Variants in KLF15 observed in about 807,000 individuals in gnomAD.
KLF15 encodes the protein KLF transcription factor 15.
A neutral mutation model predicts 24.6 loss-of-function variants in KLF15; 4 were observed. The ratio of observed to expected loss-of-function variants is 0.16; its 90% CI spans 0.08 to 0.37. The LOEUF (loss-of-function observed/expected upper bound fraction) is 0.37, where lower values mean the gene tolerates loss of function less well. Among genes scored for constraint, KLF15 ranks in the 10% least tolerant of loss-of-function variants. KLF15 has a pLI of 1.00. For synonymous variants in KLF15, 246 were observed against 236.3 expected (o/e 1.04, Z -0.37); for missense variants, 496 against 560.6 (o/e 0.88, Z 1.16).
chr3:126,340,120 C>T (rs1192937353), downstream of KLF15, among the ~76,000 whole-genome samples: 1 of 152,244 alleles, frequency 6.6e-6, no homozygotes, highest in Non-Finnish European at 1.5e-5. Context: ...ACTGTGGGCA[C>T]AGCTGGGACA....
the KLF15 span, among the ~76,000 whole-genome samples, chr3:126,294,757 C>T: frequency 6.6e-6 from 1 of 152,102 alleles, no homozygotes; most frequent in East Asian, 1.9e-4. Context: ...CCTTCTTTCC[C>T]TTCCAAGCAT....
downstream of KLF15, among the ~76,000 whole-genome samples, chr3:126,341,243 C>A (rs1201890078): frequency 6.6e-6 from 1 of 152,170 alleles, no homozygotes; most frequent in East Asian, 1.9e-4. Context: ...ACCACTAAGA[C>A]CACCCCTTAC....
At chr3:126,331,976 C>T in the KLF15 span, among the ~76,000 whole-genome samples, 4 of 152,174 alleles carry the variant, frequency 2.6e-5, no homozygotes, top group Admixed American at 6.5e-5. Context: ...AACTGCAAGG[C>T]GCCAGCGAGG....
the KLF15 span, among the ~76,000 whole-genome samples, chr3:126,332,406 C>T: frequency 2.3e-5 from 3 of 131,838 alleles, no homozygotes; most frequent in African/African-American, 5.8e-5. Flanking sequence ...ACATCCACAC[C>T]GAAAACCCAT....
chr3:126,293,709 G>T, the KLF15 span, among the ~76,000 whole-genome samples: 1 of 152,166 alleles, frequency 6.6e-6, no homozygotes, highest in African/African-American at 2.4e-5. Flanking sequence ...AGCACAAGTC[G>T]GATCCTAGCA....
At chr3:126,340,713 C>T (rs919903639), downstream of KLF15, among the ~76,000 whole-genome samples, 1 of 152,164 alleles carries the variant, frequency 6.6e-6, no homozygotes, top group African/African-American at 2.4e-5. Flanking sequence ...CGTGGTGAGT[C>T]CAGGGCCCAT....
At chr3:126,293,144 T>TA in the KLF15 span, among the ~76,000 whole-genome samples, 56,703 of 118,380 alleles carry the variant, frequency 0.48, 13,915 homozygotes, top group Admixed American at 0.56. Context: ...ACTGCATCTC[T>TA]AAAAAAAAAA....
At chr3:126,300,712 A>C in the KLF15 span, among the ~76,000 whole-genome samples, 8 of 152,228 alleles carry the variant, frequency 5.3e-5, no homozygotes, top group East Asian at 1.4e-3. Flanking sequence ...TCCTCCACAG[A>C]CCCTGAGCAG....
chr3:126,293,608 G>A, the KLF15 span, among the ~76,000 whole-genome samples: 3 of 152,134 alleles, frequency 2.0e-5, no homozygotes, highest in African/African-American at 7.2e-5. Context: ...TCACCCCAGG[G>A]CTCAGGTAGC....
At chr3:126,330,219 G>C in the KLF15 span, among the ~76,000 whole-genome samples, 3 of 152,200 alleles carry the variant, frequency 2.0e-5, no homozygotes, top group African/African-American at 7.2e-5. Flanking sequence ...GTTCCCCACA[G>C]ACACAGGAGC....
the KLF15 span, among the ~76,000 whole-genome samples, chr3:126,288,674 CGCTCACTTCG>C: frequency 6.6e-6 from 1 of 152,248 alleles, no homozygotes; most frequent in Non-Finnish European, 1.5e-5. Context: ...GGACGCGGCC[CGCTCACTTCG>C]GGGCTCATTG....
At chr3:126,305,746 C>T in the KLF15 span, among the ~76,000 whole-genome samples, 6 of 152,266 alleles carry the variant, frequency 3.9e-5, no homozygotes, top group East Asian at 5.8e-4. Context: ...ATCTGCCCCA[C>T]ACAGTAGGGA....
the KLF15 span, among the ~76,000 whole-genome samples, chr3:126,297,741 TG>T: frequency 2.6e-5 from 4 of 152,134 alleles, no homozygotes; most frequent in African/African-American, 9.7e-5. Context: ...TCATTATTCA[TG>T]GCCTCCAGCT....
At chr3:126,329,438 T>C in the KLF15 span, among the ~76,000 whole-genome samples, 15 of 152,234 alleles carry the variant, frequency 9.9e-5, no homozygotes, top group Middle Eastern at 0.017. Context: ...TGAGCTATGA[T>C]CCCATCTCTG....
chr3:126,323,433 A>G, the KLF15 span, among the ~76,000 whole-genome samples: 502 of 51,486 alleles, frequency 9.8e-3, 18 homozygotes, highest in African/African-American at 0.035. Flanking sequence ...ATATATATAT[A>G]TAACATATAT....
At chr3:126,288,656 C>T in the KLF15 span, among the ~76,000 whole-genome samples, 1 of 152,224 alleles carries the variant, frequency 6.6e-6, no homozygotes, top group Non-Finnish European at 1.5e-5. Flanking sequence ...AAGTTGGCTG[C>T]GCCAACAGGA....
the KLF15 span, among the ~76,000 whole-genome samples, chr3:126,296,247 C>T: frequency 8.5e-5 from 13 of 152,168 alleles, no homozygotes; most frequent in Admixed American, 2.0e-4. Flanking sequence ...CTCGCTCTAT[C>T]GCCCAGGTGG....
rs923352885 is a variant in KLF15 at position 126,343,251 on chromosome 3, C to G, written c.*476G>C. On this transcript the variant is annotated 3_prime_UTR_variant, in exon 3 of 3. Transcript: ENST00000296233. ...CATCTTAGACAAAGCCACCCTCACA[C>G]CACAGTGCAGCCCTGGACTTCTGGC... The G allele has an allele frequency of 2.2e-4, 33 of 152,806 alleles. No individual in the cohort carries two copies. Among genetic ancestry groups the G allele is most frequent in the Non-Finnish European group, 4.6e-4 (32 of 70,026 alleles). The allele number at this position is 152,806 out of a possible 1,614,324, so 9.5% of individuals were successfully genotyped here.
intron 2 of KLF15, among the ~76,000 whole-genome samples, chr3:126,351,537 C>T (rs553698765): frequency 3.3e-4 from 50 of 152,312 alleles, no homozygotes; most frequent in East Asian, 1.2e-3. Context: ...CATCCTTCCT[C>T]GCCAGCCCCT....
Sources: allele counts gnomAD v4.1 joint callset (sites outside exome capture counted in the v4.1 genomes callset), GRCh38; gene constraint gnomAD v4.1.1; transcripts MANE v1.5; gene names NCBI Gene and HGNC (gene_info 2026-07-23, HGNC 2026-07-21).